The following CSF1R variants were observed in gnomAD, a reference collection of about 807,000 sequenced individuals.
CSF1R encodes the protein colony stimulating factor 1 receptor.
In CSF1R, 40 loss-of-function variants were observed where a neutral mutation model predicts 110.0. The ratio of observed to expected loss-of-function variants is 0.36; its 90% CI spans 0.28 to 0.47. CSF1R has a LOEUF of 0.47. Among genes scored for constraint, CSF1R ranks in the 20% least tolerant of loss-of-function variants. The pLI is 0.99. For missense variants in CSF1R, 1,052 were observed against 1,253.0 expected, an observed-to-expected ratio of 0.84 and a Z score of 2.42; for synonymous variants, 523 against 503.4, an observed-to-expected ratio of 1.04 and a Z score of -0.52.
At position 150,057,553 on chromosome 5, in the gene CSF1R, C is replaced by T. The variant is rs1042396588; in HGVS notation, c.2172G>A (p.Val724=). The part of the protein sequence containing the change: ...GFSSQGVDTY[V]EMRPVSTSSN... ...AAGAAGTGGAGACAGGCCTCATCTC[C>T]ACATAGGTGTCCACACCCTGGCTGG... The change falls in exon 15 of 21, where the codon GTG becomes GTA. Residue 724 remains valine (V), a synonymous_variant. Transcript: ENST00000675795. 14 of 1,614,132 alleles carry T rather than the reference C, an allele frequency of 8.7e-6. No individual in the cohort carries two copies. In the African/African-American group the frequency reaches 1.9e-4, roughly 22 times the overall value.
In CSF1R at chr5:150,084,455, GAAGA is replaced by G. The variant is rs1217004843; in HGVS notation, c.49+1920_49+1923del. ...GGAAGGAAGGAAGGAAGGAAGGAAG[GAAGA>G]AAGAAAGGAAGGAGATGGAGTCTTG... is the stretch of plus-strand genomic sequence containing the variant. On this transcript the variant is annotated intron_variant, in intron 1 of 20. Coordinates refer to ENST00000675795, the MANE Select transcript of CSF1R (RefSeq NM_001288705.3). 4.2e-3 allele frequency among the ~76,000 whole-genome samples: 256 copies of G among 61,634 alleles called. 2 individuals carry two copies. The highest frequency in any genetic ancestry group is 5.4e-3 in the Non-Finnish European group (173 of 31,834). 40.4% of individuals were successfully genotyped at this position (61,634 alleles called of 152,430 possible).
In CSF1R at chr5:150,078,221, A is replaced by G; in HGVS notation, c.620T>C (p.Leu207Pro). 2 of 1,614,038 alleles carry G rather than the reference A, an allele frequency of 1.2e-6. No individual in the cohort carries two copies. Among genetic ancestry groups the G allele is most frequent in the Non-Finnish European group, 1.7e-6 (2 of 1,179,976 alleles). ...KVIPGPPALT[L>P]VPAELVRIRG... ...AATCCGCACCAGCTCTGCAGGCACC[A>G]GTGTCAAGGCTGGGGGCCCTGGGAT... Residue 207 changes from leucine (L) to proline (P), a missense_variant, in exon 4 of 21, where the codon CTG becomes CCG. Leu to Pro is a moderately conservative substitution (Grantham distance 98). Around this residue, in one of 5 missense-constraint regions of CSF1R, gnomAD observed 693 missense variants for 735.4 expected, o/e 0.94. Transcript: ENST00000675795.
intron 1 of CSF1R, among the ~76,000 whole-genome samples, chr5:150,111,994 T>C (rs1372316049): frequency 6.6e-6 from 1 of 152,232 alleles, no homozygotes; most frequent in Non-Finnish European, 1.5e-5. Context: ...TCATTACCTC[T>C]TTACAAATGA....
In CSF1R at chr5:150,069,993, G is replaced by A; in HGVS notation, c.1390C>T (p.His464Tyr). ...YPEVLSQEPF[H>Y]KVTVQSLLTV... ...AGCAGGCTCTGCACCGTCACCTTGTGGAAGGGCTCCTGGCTCAGGACCTCA... is the reference window on the plus strand; with the variant it reads ...AGCAGGCTCTGCACCGTCACCTTGTAGAAGGGCTCCTGGCTCAGGACCTCA... Residue 464 changes from histidine to tyrosine, a missense_variant, in exon 9 of 21, where the codon CAC becomes TAC. Physicochemically the swap from His to Tyr is moderately conservative, Grantham distance 83. Transcript: ENST00000675795. The A allele has an allele frequency of 6.2e-7, 1 of 1,614,076 alleles. No homozygotes were observed. The highest frequency in any genetic ancestry group is 8.5e-7 in the Non-Finnish European group (1 of 1,179,954).
intron 1 of CSF1R, among the ~76,000 whole-genome samples, chr5:150,107,917 G>C (rs570697442): frequency 1.3e-3 from 201 of 152,356 alleles, no homozygotes; most frequent in African/African-American, 4.6e-3. Context: ...CAGGTCAGCT[G>C]TGGTCCCTCC....
chr5:150,070,702 G>T, intron 6 of CSF1R, 131 bp from the exon 7 acceptor site: 2 of 570,786 alleles, frequency 3.5e-6, no homozygotes, highest in South Asian at 4.2e-5. Context: ...AACGGCCTTG[G>T]GTAAGCCAGA....
At chr5:150,070,889 G>A (rs1444624844) in intron 6 of CSF1R, among the ~76,000 whole-genome samples, 1 of 152,154 alleles carries the variant, frequency 6.6e-6, no homozygotes, top group Non-Finnish European at 1.5e-5. Flanking sequence ...AAGCTTTCAT[G>A]AAAGCTGCAA....
chr5:150,107,108 T>C (rs528260176), intron 1 of CSF1R, among the ~76,000 whole-genome samples: 1 of 152,310 alleles, frequency 6.6e-6, no homozygotes, highest in East Asian at 1.9e-4. Flanking sequence ...AATGAATGAA[T>C]GAATAAATGA....
chr5:150,058,364 C>G lies in CSF1R; in HGVS notation c.2133-772G>C, dbSNP rs1314538357. The stretch of plus-strand genomic sequence containing the variant: ...AACGTTCCAGCCAGATAGGATTTCT[C>G]TCTCCCTCCTGTCCCCTCTGCGCTA... On this transcript the variant is annotated intron_variant, in intron 14 of 20. Transcript: ENST00000675795. The G allele has an allele frequency of 6.6e-6, 3 of 455,970 alleles. No homozygotes were observed. In the Admixed American group the frequency reaches 7.0e-5, roughly 11 times the overall value. 28.2% of individuals were successfully genotyped at this position (455,970 alleles called of 1,614,324 possible).
In CSF1R at chr5:150,084,857, G is replaced by A. The variant is rs995948368; in HGVS notation, c.49+1522C>T. Among the ~76,000 whole-genome samples the A allele has an allele frequency of 2.0e-5, 3 of 152,204 alleles. No individual in the cohort carries two copies. The South Asian group carries it at 6.2e-4, about 32-fold the overall frequency. ...GGTTGTGGGTGTAAGGATAGGACAA[G>A]GCAGTGAAATCAAACCTGTGGGACT... On this transcript the variant is annotated intron_variant, in intron 1 of 20. Transcript: ENST00000675795.
chr5:150,093,446 G>T (rs1003293900), intron 1 of CSF1R, among the ~76,000 whole-genome samples: 5 of 152,106 alleles, frequency 3.3e-5, no homozygotes, highest in Non-Finnish European at 7.4e-5. Flanking sequence ...GATGTAAGTT[G>T]TAAAACCCAG....
In CSF1R at chr5:150,061,478, T is replaced by A; in HGVS notation, c.1858+13A>T. 160 of 409,252 alleles carry A rather than the reference T, an allele frequency of 3.9e-4. No homozygotes were observed. The highest frequency in any genetic ancestry group is 5.3e-4 in the Non-Finnish European group (144 of 274,120). The allele number at this position is 409,252 out of a possible 1,614,324, so 25.4% of individuals were successfully genotyped here. On this transcript the variant is annotated intron_variant, in intron 12 of 20. Coordinates refer to ENST00000675795, the MANE Select transcript of CSF1R (RefSeq NM_001288705.3). ...ACCCCCCATCCCTTCCCTCATCCCC[T>A]CCCCTCACTCACACTTCAGCATCTT...
At chr5:150,106,884 C>T (rs746042127) in intron 1 of CSF1R, among the ~76,000 whole-genome samples, 1 of 152,296 alleles carries the variant, frequency 6.6e-6, no homozygotes, top group Non-Finnish European at 1.5e-5. Context: ...CTCGTGGCTC[C>T]CTGAGTTTCC....
At chr5:150,057,691 C>G in intron 14 of CSF1R, 99 bp from the exon 15 acceptor site, 1 of 819,880 alleles carries the variant, frequency 1.2e-6, no homozygotes, top group Non-Finnish European at 2.0e-6. Flanking sequence ...CAACTGGAAC[C>G]TCCCTTTCTG....
rs755156138 is a variant in CSF1R at position 150,054,434 on chromosome 5, G to C, written c.2655-4C>G. ...GCAGGCCTGCATGATGCTGTATCTG[G>C]GAGATAGGACAGAGGATGCCCATGG... is the stretch of plus-strand genomic sequence containing the variant. On this transcript the variant is annotated splice_region_variant and splice_polypyrimidine_tract_variant and intron_variant, in intron 19 of 20. Coordinates refer to ENST00000675795, the MANE Select transcript of CSF1R (RefSeq NM_001288705.3). 3.7e-6 allele frequency: 6 copies of C among 1,609,570 alleles called. No homozygotes were observed. The Admixed American group carries it at 1.0e-4, about 27-fold the overall frequency.
At position 150,105,145 on chromosome 5, in the gene CSF1R, G is replaced by T. The variant is rs1290003952; in HGVS notation, c.-181+8116C>A. On this transcript the variant is annotated intron_variant, in intron 1 of 21. Coordinates refer to the CSF1R transcript ENST00000286301. ...AGGTGGATCACGAGATCAGGAGATG[G>T]AGACCAGCCTGGCTAACACAGTGAA... is the stretch of plus-strand genomic sequence containing the variant. Among the ~76,000 whole-genome samples the T allele has an allele frequency of 2.0e-5, 3 of 151,466 alleles. No homozygotes were observed. In the East Asian group the frequency reaches 5.9e-4, roughly 30 times the overall value.
rs2113778917 is a variant in CSF1R, at chr5:150,056,154, C to G, written c.2443-17G>C. The G allele has an allele frequency of 6.2e-7, 1 of 1,614,166 alleles. No individual in the cohort carries two copies. On this transcript the variant is annotated splice_polypyrimidine_tract_variant and intron_variant, in intron 17 of 20. Coordinates refer to ENST00000675795, the MANE Select transcript of CSF1R (RefSeq NM_001288705.3). ...CAGGCGGGCCTGGGATGACAGTCCC[C>G]AGTTATTTTGGGCCCCGACTCTTCA...
intron 1 of CSF1R, among the ~76,000 whole-genome samples, chr5:150,097,466 AAG>A (rs964717711): frequency 8.5e-5 from 13 of 152,202 alleles, no homozygotes; most frequent in African/African-American, 3.1e-4. Flanking sequence ...GTGAAAGAAA[AAG>A]AGTTCAAAAG....
intron 17 of CSF1R, 35 bp downstream of exon 17, chr5:150,056,184 C>G: frequency 1.2e-6 from 2 of 1,614,210 alleles, no homozygotes; most frequent in Non-Finnish European, 1.7e-6. Context: ...TCTTCACCCC[C>G]TCCCCAGCCT....
Sources: gnomAD v4.1 joint callset for allele counts (sites outside exome capture counted in the v4.1 genomes callset) on GRCh38, gnomAD v4.1.1 for gene constraint, gnomAD v4.1.1 regional missense constraint, MANE v1.5 for transcripts, NCBI Gene and HGNC (gene_info 2026-07-23, HGNC 2026-07-21) for gene names.